The following BTBD8 variants were observed in gnomAD, a reference collection of about 807,000 sequenced individuals.
BTBD8 encodes BTB/POZ domain-containing protein 8.
BTBD8 carries 110 observed loss-of-function variants against 162.9 expected under a neutral mutation model. That is an observed-to-expected ratio of 0.68 (90% CI 0.58 to 0.79). The LOEUF (loss-of-function observed/expected upper bound fraction) is 0.79, where lower values mean the gene tolerates loss of function less well. Among genes scored for constraint, BTBD8 ranks in the 30% least tolerant of loss-of-function variants. BTBD8 has a pLI of 0.00. For missense variants in BTBD8, 1,905 were observed against 2,085.4 expected (o/e 0.91, Z 1.68); for synonymous variants, 667 against 716.1 (o/e 0.93, Z 1.10).
rs386367658 is a variant in BTBD8, at chr1:92,118,803, C to CTTTTTTTTTTTTTTTTTT, written c.662+10819_662+10820insTTTTTTTTTTTTTTTTTT. Among the ~76,000 whole-genome samples the CTTTTTTTTTTTTTTTTTT allele has an allele frequency of 6.3e-3, 604 of 95,188 alleles. 1 individual carries two copies. The highest frequency in any genetic ancestry group is 9.9e-3 in the East Asian group (26 of 2,620). The allele number at this position is 95,188 out of a possible 152,430, so 62.4% of individuals were successfully genotyped here. A position where few individuals can be genotyped will look rare whatever the true frequency, so the allele number is the denominator to read the frequency against. On this transcript the variant is annotated intron_variant, in intron 4 of 17. Coordinates refer to ENST00000636805, the MANE Select transcript of BTBD8 (RefSeq NM_001376131.1). ...CTTATAATTTGGCTTTTCTTTCTTT[C>CTTTTTTTTTTTTTTTTTT]TTTTTTTTTTTTTTTTTGCTCTATT...
chr1:92,126,591 T>A, intron 4 of BTBD8: 2 of 387,890 alleles, frequency 5.2e-6, no homozygotes, highest in Non-Finnish European at 1.0e-5. Flanking sequence ...TGTTTATATA[T>A]TAAAAGTTGC....
chr1:92,132,273 G>T (rs983489867), intron 5 of BTBD8, among the ~76,000 whole-genome samples: 1 of 151,492 alleles, frequency 6.6e-6, no homozygotes, highest in Non-Finnish European at 1.5e-5. Flanking sequence ...AGTTCAAGGT[G>T]ACCTCTGAGT....
intron 5 of BTBD8, among the ~76,000 whole-genome samples, chr1:92,137,302 T>C (rs997714429): frequency 6.6e-6 from 1 of 152,168 alleles, no homozygotes; most frequent in Non-Finnish European, 1.5e-5. Flanking sequence ...GTCACCCTAA[T>C]AGTAATTTGG....
In BTBD8 at chr1:92,080,668, C is replaced by T. The variant is rs758866158; in HGVS notation, c.97C>T (p.Arg33Trp). 1.9e-6 allele frequency: 3 copies of T among 1,613,084 alleles called. No homozygotes were observed. Among genetic ancestry groups the T allele is most frequent in the Admixed American group, 1.7e-5 (1 of 59,828 alleles). The stretch of plus-strand genomic sequence containing the variant: ...GTTGCAAAGGAAGGGGCCGTGTGAG[C>T]GGCGCCGGCTGAAGGCGACGGTGTC... Reference protein sequence around the residue: ...KGLQRKGPCERRRLKATVSEQ... With the variant: ...KGLQRKGPCEWRRLKATVSEQ... The change falls in exon 1 of 18, where the codon CGG becomes TGG. Residue 33 changes from arginine to tryptophan, a missense_variant. This residue lies in a region of BTBD8 where 1,374 missense variants were observed against 1,442.7 expected (regional missense o/e 0.95). Coordinates refer to ENST00000636805, the MANE Select transcript of BTBD8 (RefSeq NM_001376131.1).
intron 4 of BTBD8, among the ~76,000 whole-genome samples, chr1:92,118,984 A>G (rs946572153): frequency 1.3e-5 from 2 of 151,378 alleles, no homozygotes; most frequent in South Asian, 4.1e-4. Flanking sequence ...CGATACACCT[A>G]TCTACATGGG....
chr1:92,126,237 C>T (rs369079329), intron 4 of BTBD8: 52 of 570,368 alleles, frequency 9.1e-5, no homozygotes, highest in African/African-American at 1.9e-4. Context: ...TATGCTGCAA[C>T]GTTGATAAGA....
At chr1:92,087,078 A>G (rs1449880247) in intron 1 of BTBD8, among the ~76,000 whole-genome samples, 1 of 152,216 alleles carries the variant, frequency 6.6e-6, no homozygotes, top group East Asian at 1.9e-4. Context: ...TGTTTAAGCC[A>G]GTCTAAGTCA....
At chr1:92,080,766 C>A in intron 1 of BTBD8, 46 bp downstream of exon 1, 2 of 1,569,508 alleles carry the variant, frequency 1.3e-6, no homozygotes, top group East Asian at 4.6e-5. Context: ...CTAAATCGCC[C>A]ACCTCCGCCC....
At chr1:92,156,549 C>G (rs2100650905) in intron 9 of BTBD8, among the ~76,000 whole-genome samples, 1 of 152,216 alleles carries the variant, frequency 6.6e-6, no homozygotes, top group South Asian at 2.1e-4. Flanking sequence ...CAGTAGAATT[C>G]AGTAATGAAG....
chr1:92,122,304 G>A (rs1225032617), intron 4 of BTBD8, among the ~76,000 whole-genome samples: 2 of 151,616 alleles, frequency 1.3e-5, no homozygotes, highest in Non-Finnish European at 2.9e-5. Context: ...CTGTCACCAG[G>A]CTGGAGTGCA....
At chr1:92,148,426 T>C (rs1345212537) in intron 9 of BTBD8, among the ~76,000 whole-genome samples, 1 of 152,178 alleles carries the variant, frequency 6.6e-6, no homozygotes, top group Non-Finnish European at 1.5e-5. Flanking sequence ...CTTAGAAAGA[T>C]TCCAATCATC....
In BTBD8 at chr1:92,181,437, A is replaced by G; in HGVS notation, c.3754A>G (p.Thr1252Ala). Residue 1252 changes from threonine to alanine, a missense_variant, in exon 17 of 18, where the codon ACT (threonine) becomes GCT (alanine). Physicochemically the swap from Thr to Ala is moderately conservative, Grantham distance 58. Transcript: ENST00000636805. ...LHQRESPESDTGSATTSSDDI... is the reference protein window; with the variant it reads ...LHQRESPESDAGSATTSSDDI... ...TCAGCGAGAGAGTCCTGAATCTGAC[A>G]CTGGCAGTGCTACCACCTCCTCCGA... The G allele has an allele frequency of 1.9e-6, 3 of 1,551,720 alleles. No homozygotes were observed. Among genetic ancestry groups the G allele is most frequent in the Non-Finnish European group, 8.7e-7 (1 of 1,146,976 alleles).
At chr1:92,094,351 C>T (rs1648394786) in intron 2 of BTBD8, among the ~76,000 whole-genome samples, 1 of 152,272 alleles carries the variant, frequency 6.6e-6, no homozygotes, top group East Asian at 1.9e-4. Flanking sequence ...ATTGTTTTGA[C>T]ATTTGTCTGT....
chr1:92,104,127 T>C (rs1211209420), intron 3 of BTBD8, among the ~76,000 whole-genome samples: 1 of 152,262 alleles, frequency 6.6e-6, no homozygotes, highest in Non-Finnish European at 1.5e-5. Flanking sequence ...ATTCATGTTA[T>C]GCTCAAATTG....
At chr1:92,106,307 G>A (rs1648723748) in intron 3 of BTBD8, among the ~76,000 whole-genome samples, 1 of 152,104 alleles carries the variant, frequency 6.6e-6, no homozygotes, top group South Asian at 2.1e-4. Context: ...TCTCCTGAGA[G>A]GATGTGGTAT....
intron 13 of BTBD8, among the ~76,000 whole-genome samples, chr1:92,175,477 C>CAAAAAAAAAAAAAAAAAAAAAAAA: frequency 2.7e-5 from 1 of 37,456 alleles, no homozygotes; most frequent in African/African-American, 9.8e-5. Flanking sequence ...GACTCCATCT[C>CAAAAAAAAAAAAAAAAAAAAAAAA]AAAAAAAAAA....
chr1:92,082,895 C>T (rs1273348521), intron 1 of BTBD8, among the ~76,000 whole-genome samples: 1 of 152,038 alleles, frequency 6.6e-6, no homozygotes, highest in Non-Finnish European at 1.5e-5. Context: ...TTGCTATACA[C>T]TGGGCTTACA....
intron 13 of BTBD8, 42 bp from the exon 14 acceptor site, chr1:92,176,787 G>T (rs1439763051): frequency 8.2e-6 from 8 of 972,224 alleles, no homozygotes; most frequent in Non-Finnish European, 1.4e-6. Context: ...ATATGTTAAA[G>T]ATTTCAGTCA....
chr1:92,133,536 C>T (rs1649560926), intron 5 of BTBD8, among the ~76,000 whole-genome samples: 2 of 152,152 alleles, frequency 1.3e-5, no homozygotes. Context: ...TCAATAGATT[C>T]GAAGACAATC....
Sources: gnomAD v4.1 joint callset for allele counts (sites outside exome capture counted in the v4.1 genomes callset) on GRCh38, gnomAD v4.1.1 for gene constraint, gnomAD v4.1.1 regional missense constraint, MANE v1.5 for transcripts, NCBI Gene and HGNC (gene_info 2026-07-23, HGNC 2026-07-21) for gene names.